GRHL2: variants seen among roughly 807,000 people sequenced by gnomAD.
GRHL2 encodes grainyhead-like protein 2 homolog.
A neutral mutation model predicts 83.8 loss-of-function variants in GRHL2; 21 were observed. That is an observed-to-expected ratio of 0.25 (90% CI 0.18 to 0.36). The LOEUF (loss-of-function observed/expected upper bound fraction) is 0.36, where lower values mean the gene tolerates loss of function less well. Ranked by LOEUF, GRHL2 falls within the 10% of genes least tolerant of loss-of-function variation. The pLI, the probability that GRHL2 is intolerant of heterozygous loss-of-function variation, is 1.00. For missense variants in GRHL2, 623 were observed against 781.8 expected, an observed-to-expected ratio of 0.80 and a Z score of 2.42; for synonymous variants, 280 against 278.9, an observed-to-expected ratio of 1.00 and a Z score of -0.04.
At chr8:101,567,018 T>C (rs1256726164) in intron 4 of GRHL2, among the ~76,000 whole-genome samples, 1 of 152,162 alleles carries the variant, frequency 6.6e-6, no homozygotes, top group African/African-American at 2.4e-5. Context: ...GGGTAAATGA[T>C]GGGACCTAAA....
intron 2 of GRHL2, among the ~76,000 whole-genome samples, chr8:101,545,871 T>TG: frequency 1.2e-5 from 1 of 83,222 alleles, no homozygotes. Flanking sequence ...CTTTGTAACA[T>TG]TTTTTTTTTT....
rs151089925 is a variant in GRHL2, at chr8:101,643,582, G to A, written c.1518-549G>A. 1.9e-3 allele frequency among the ~76,000 whole-genome samples: 296 copies of A among 152,312 alleles called. 1 individual carries two copies. The highest frequency in any genetic ancestry group is 6.8e-3 in the African/African-American group (284 of 41,566). ...GCCTGGGCAGCCAAGGTCTGAGTGT[G>A]TAAGGAACTTCCACCACTGCAGTCT... On this transcript the variant is annotated intron_variant, in intron 12 of 15. Coordinates refer to ENST00000646743, the MANE Select transcript of GRHL2 (RefSeq NM_024915.4).
chr8:101,512,008 A>AT (rs1416046911), intron 1 of GRHL2, among the ~76,000 whole-genome samples: 2 of 152,156 alleles, frequency 1.3e-5, no homozygotes, highest in African/African-American at 2.4e-5. Flanking sequence ...ATTTAAGACT[A>AT]TTTTTTAACT....
At chr8:101,665,786 C>T (rs1176141900) in intron 15 of GRHL2, among the ~76,000 whole-genome samples, 1 of 149,174 alleles carries the variant, frequency 6.7e-6, no homozygotes, top group Non-Finnish European at 1.5e-5. Context: ...TGCCTGCTGA[C>T]ACATAACTGT....
chr8:101,665,495 T>C (rs1337650437), intron 15 of GRHL2, among the ~76,000 whole-genome samples: 1 of 152,190 alleles, frequency 6.6e-6, no homozygotes, highest in African/African-American at 2.4e-5. Flanking sequence ...TGAGCTCTTG[T>C]TGGAAGATTC....
At chr8:101,606,012 T>A (rs1812625928) in intron 8 of GRHL2, among the ~76,000 whole-genome samples, 1 of 152,234 alleles carries the variant, frequency 6.6e-6, no homozygotes, top group Non-Finnish European at 1.5e-5. Context: ...AGGCAATTCC[T>A]TGTTCTTTTT....
rs148770777 is a variant in GRHL2 at position 101,546,650 on chromosome 8, G to A, written c.216+3214G>A. ...AGGCTGCTCTTGAACTCCTGGCTTCGAGTGATCCACCGGCCTTGACCTTCC... is the reference window on the plus strand; with the variant it reads ...AGGCTGCTCTTGAACTCCTGGCTTCAAGTGATCCACCGGCCTTGACCTTCC... On this transcript the variant is annotated intron_variant, in intron 2 of 15. Coordinates refer to ENST00000646743, the MANE Select transcript of GRHL2 (RefSeq NM_024915.4). Among the ~76,000 whole-genome samples the A allele has an allele frequency of 1.9e-3, 282 of 152,126 alleles. 4 individuals carry two copies. The highest frequency in any genetic ancestry group is 5.8e-3 in the African/African-American group (239 of 41,508).
At chr8:101,644,029 G>C (rs1224519530) in intron 12 of GRHL2, 102 bp from the exon 13 acceptor site, 1 of 1,005,998 alleles carries the variant, frequency 9.9e-7, no homozygotes, top group East Asian at 2.6e-5. Context: ...CGGAGCATAG[G>C]GACGGTATAA....
chr8:101,624,498 G>A (rs1166745197), intron 9 of GRHL2, among the ~76,000 whole-genome samples: 1 of 145,056 alleles, frequency 6.9e-6, no homozygotes, highest in South Asian at 2.2e-4. Context: ...GGACAGTTCA[G>A]AGTACACAGT....
chr8:101,645,353 G>A (rs933894558), intron 13 of GRHL2, among the ~76,000 whole-genome samples: 9 of 152,152 alleles, frequency 5.9e-5, no homozygotes, highest in Middle Eastern at 3.4e-3. Flanking sequence ...GGATGGTCTC[G>A]ATCTCTTGAC....
At chr8:101,660,968 T>C (rs541030328) in intron 14 of GRHL2, among the ~76,000 whole-genome samples, 17 of 152,332 alleles carry the variant, frequency 1.1e-4, no homozygotes, top group Non-Finnish European at 1.9e-4. Context: ...CTTTGTCCTT[T>C]TTACTTCAAG....
At chr8:101,602,694 G>C (rs1276484019) in intron 8 of GRHL2, among the ~76,000 whole-genome samples, 1 of 152,136 alleles carries the variant, frequency 6.6e-6, no homozygotes. Context: ...TGAGGTACTG[G>C]GCTCTTTCTT....
At chr8:101,676,552 C>T in the GRHL2 span, among the ~76,000 whole-genome samples, 12 of 152,138 alleles carry the variant, frequency 7.9e-5, no homozygotes, top group African/African-American at 2.9e-4. Flanking sequence ...ATTCAAAAGT[C>T]AGGAAACAAC....
intron 1 of GRHL2, among the ~76,000 whole-genome samples, chr8:101,533,040 T>C (rs1175703641): frequency 1.3e-5 from 2 of 152,172 alleles, no homozygotes; most frequent in Non-Finnish European, 2.9e-5. Context: ...AGGCCTTTGC[T>C]GATTGAAGTT....
chr8:101,550,666 T>C (rs977158480), intron 2 of GRHL2, among the ~76,000 whole-genome samples: 7 of 152,212 alleles, frequency 4.6e-5, no homozygotes, highest in African/African-American at 1.7e-4. Context: ...TGGCATTAAG[T>C]ACATTCACAC....
At chr8:101,552,241 C>T (rs1366750924) in intron 2 of GRHL2, among the ~76,000 whole-genome samples, 3 of 152,170 alleles carry the variant, frequency 2.0e-5, no homozygotes, top group Admixed American at 6.5e-5. Flanking sequence ...CAGTATGGCC[C>T]GCCCCGTGCC....
chr8:101,494,114 G>A (rs1178370203), intron 1 of GRHL2, among the ~76,000 whole-genome samples: 1 of 152,258 alleles, frequency 6.6e-6, no homozygotes, highest in East Asian at 1.9e-4. Context: ...CACCCCGAGG[G>A]GACCTTCCTG....
intron 1 of GRHL2, among the ~76,000 whole-genome samples, chr8:101,516,775 C>T (rs565427889): frequency 6.6e-5 from 10 of 152,246 alleles, no homozygotes; most frequent in East Asian, 1.9e-4. Flanking sequence ...TATCATTTTA[C>T]GTATTATCTA....
intron 13 of GRHL2, among the ~76,000 whole-genome samples, chr8:101,645,242 C>T (rs1443639631): frequency 1.3e-5 from 2 of 149,664 alleles, no homozygotes; most frequent in East Asian, 2.0e-4. Context: ...AAGTGATTCT[C>T]CTGCCTCAGC....
Sources: gnomAD v4.1 joint callset for allele counts (sites outside exome capture counted in the v4.1 genomes callset) on GRCh38, gnomAD v4.1.1 for gene constraint, MANE v1.5 for transcripts, NCBI Gene and HGNC (gene_info 2026-07-23, HGNC 2026-07-21) for gene names.